The following LIPE variants were observed in gnomAD, a reference collection of about 807,000 sequenced individuals.
LIPE encodes hormone-sensitive lipase.
LIPE carries 66 observed loss-of-function variants against 88.5 expected under a neutral mutation model. The ratio of observed to expected loss-of-function variants is 0.75; its 90% CI spans 0.61 to 0.91. LIPE has a LOEUF of 0.91. Among genes scored for constraint, LIPE ranks in the 40% least tolerant of loss-of-function variants. The pLI is 0.00. For synonymous variants in LIPE, 570 were observed against 617.5 expected (o/e 0.92, Z 1.14); for missense variants, 1,346 against 1,434.7 (o/e 0.94, Z 1.00).
Position 42,407,575 on chromosome 19 carries a change from T to TCC in LIPE, c.1842+29_1842+30dup, listed in dbSNP as rs747727222. ...GGGCTGCCCACGCTCCTCGGCTCTG[T>TCC]CCCTGTCCCTGGCTGAGGCTGGAAC... On this transcript the variant is annotated intron_variant, in intron 5 of 9. Transcript: ENST00000244289. This position sits in a 1 kb window ranked among gnomAD's most constrained non-coding sequence, Gnocchi z 5.8. 1 of 1,590,172 alleles carries TCC rather than the reference T, an allele frequency of 6.3e-7. No individual in the cohort carries two copies. The highest frequency in any genetic ancestry group is 2.2e-5 in the East Asian group (1 of 44,620).
At chr19:42,424,790 C>G (rs553544961) in intron 1 of LIPE, 31 of 360,102 alleles carry the variant, frequency 8.6e-5, no homozygotes, top group African/African-American at 6.0e-4. Flanking sequence ...TTGTATTCCC[C>G]CCTTCTCCAT....
chr19:42,422,376 T>A (rs777615341), intron 1 of LIPE, among the ~76,000 whole-genome samples: 1 of 152,180 alleles, frequency 6.6e-6, no homozygotes, highest in Non-Finnish European at 1.5e-5. Flanking sequence ...TTAACTACAG[T>A]CTGTACTGCC....
At chr19:42,423,411 G>C in intron 1 of LIPE, 2 of 1,289,510 alleles carry the variant, frequency 1.6e-6, no homozygotes, top group Non-Finnish European at 2.0e-6. Context: ...CGGTCTCCGC[G>C]CGCTCACCTT....
intron 8 of LIPE, among the ~76,000 whole-genome samples, chr19:42,404,068 T>G (rs924115536): frequency 1.3e-5 from 2 of 149,944 alleles, no homozygotes; most frequent in Non-Finnish European, 3.0e-5. Context: ...TTTTTTACTT[T>G]TTTTTTTTTT....
At chr19:42,418,231 C>T (rs2040528834) in intron 1 of LIPE, among the ~76,000 whole-genome samples, 1 of 152,188 alleles carries the variant, frequency 6.6e-6, no homozygotes, top group African/African-American at 2.4e-5. Flanking sequence ...GATTTGCCCA[C>T]CTCGGCCTCC....
At position 42,426,263 on chromosome 19, in the gene LIPE, T is replaced by C. The variant is rs2040705547; in HGVS notation, c.883+4A>G. The C allele has an allele frequency of 6.3e-7, 1 of 1,590,748 alleles. No homozygotes were observed. Among genetic ancestry groups the C allele is most frequent in the East Asian group, 2.3e-5 (1 of 44,238 alleles). On this transcript the variant is annotated splice_donor_region_variant and intron_variant, in intron 1 of 9. Transcript: ENST00000244289. ...GGCTTCAATTCCTCCAGATTCACAC[T>C]CACCTGTATCCTGGTAGTGTCTGTG... is the stretch of plus-strand genomic sequence containing the variant.
chr19:42,424,461 CTG>C lies in LIPE; in HGVS notation c.883+1804_883+1805del, dbSNP rs3037073. ...GGTGTGGGGCGGGCATCCCTTGAGA[CTG>C]TGCTCTGGAGGCCTGGAGAAACAGC... On this transcript the variant is annotated intron_variant, in intron 1 of 9. Coordinates refer to ENST00000244289, the MANE Select transcript of LIPE (RefSeq NM_005357.4). 9.5e-3 allele frequency: 4,334 copies of C among 456,342 alleles called. 141 individuals carry two copies. The highest frequency in any genetic ancestry group is 0.077 in the African/African-American group (3,844 of 50,206). The allele number at this position is 456,342 out of a possible 1,614,324, so 28.3% of individuals were successfully genotyped here.
At position 42,405,967 on chromosome 19, in the gene LIPE, C is replaced by G. The variant is rs2040159260; in HGVS notation, c.2365+194G>C. 5 of 568,708 alleles carry G rather than the reference C, an allele frequency of 8.8e-6. No individual in the cohort carries two copies. In the Admixed American group the frequency reaches 1.3e-4, roughly 15 times the overall value. The allele number at this position is 568,708 out of a possible 1,614,324, so 35.2% of individuals were successfully genotyped here. ...TGACACCTTGTGTCTGTCTGTCTCT[C>G]TCTCTCTCTCACACACACACACACA... On this transcript the variant is annotated intron_variant, in intron 7 of 9. Transcript: ENST00000244289.
rs763991866 is a variant in LIPE at position 42,407,388 on chromosome 19, G to A, written c.1923C>T (p.Pro641=). ...AGTGCACTATCAGGGACCGCGAGCG[G>A]GGTGCCTGCTGGGGGCGCGGCCACA... The part of the protein sequence containing the change: ...LELWPRPQQA[P]RSRSLIVHFH... The change falls in exon 6 of 10, where the codon CCC becomes CCT. Residue 641 remains proline (P), a synonymous_variant. Transcript: ENST00000244289. The surrounding 1 kb of genome is among the most constrained non-coding windows in gnomAD (Gnocchi z 5.8). 2.5e-6 allele frequency: 4 copies of A among 1,613,712 alleles called. No homozygotes were observed. The Admixed American group carries it at 6.7e-5, about 27-fold the overall frequency.
At position 42,410,983 on chromosome 19, in the gene LIPE, CCAGGTTCCTCCTCCCT is replaced by C. The variant is rs969632862; in HGVS notation, c.884-157_884-142del. 6 of 834,834 alleles carry C rather than the reference CCAGGTTCCTCCTCCCT, an allele frequency of 7.2e-6. No individual in the cohort carries two copies. In the African/African-American group the frequency reaches 1.0e-4, roughly 14 times the overall value. 51.7% of individuals were successfully genotyped at this position (834,834 alleles called of 1,614,324 possible). A position where few individuals can be genotyped will look rare whatever the true frequency, so the allele number is the denominator to read the frequency against. On this transcript the variant is annotated intron_variant, in intron 1 of 9. Transcript: ENST00000244289. The surrounding 1 kb of genome is among the most constrained non-coding windows in gnomAD (Gnocchi z 6.1). Reference sequence around the variant, plus strand: ...CTTTCAGTTCCAGGGGCCCAGGACCCCAGGTTCCTCCTCCCTTAGACATAAGAGGTCACCCTCTTGT... The same window carrying C: ...CTTTCAGTTCCAGGGGCCCAGGACCCTAGACATAAGAGGTCACCCTCTTGT...
intron 1 of LIPE, among the ~76,000 whole-genome samples, chr19:42,419,791 A>G (rs1015888278): frequency 1.3e-5 from 2 of 152,114 alleles, no homozygotes; most frequent in African/African-American, 4.8e-5. Flanking sequence ...AATCAGATGC[A>G]GGTGGGGACA....
At chr19:42,411,837 G>A (rs773496002) in intron 1 of LIPE, among the ~76,000 whole-genome samples, 3 of 152,188 alleles carry the variant, frequency 2.0e-5, no homozygotes, top group Non-Finnish European at 4.4e-5. Context: ...TGCAGGTCCC[G>A]TGCTGAGAGC....
Position 42,410,182 on chromosome 19 carries a change from T to A in LIPE, c.1419+125A>T, listed in dbSNP as rs1194919965. Reference sequence around the variant, plus strand: ...TGAGCTCCAGCCAACTTCTCCTTTCTGTACCTGCTGTTTGCTGAGTCCGAT... The same window carrying A: ...TGAGCTCCAGCCAACTTCTCCTTTCAGTACCTGCTGTTTGCTGAGTCCGAT... On this transcript the variant is annotated intron_variant, in intron 2 of 9. Transcript: ENST00000244289. This position sits in a 1 kb window ranked among gnomAD's most constrained non-coding sequence, Gnocchi z 6.1. The A allele has an allele frequency of 1.0e-6, 1 of 995,656 alleles. No individual in the cohort carries two copies. Among genetic ancestry groups the A allele is most frequent in the African/African-American group, 1.6e-5 (1 of 61,214 alleles). The allele number at this position is 995,656 out of a possible 1,614,324, so 61.7% of individuals were successfully genotyped here.
At chr19:42,402,584 T>C (rs1383036660) in intron 9 of LIPE, 23 bp downstream of exon 9, 2 of 1,473,568 alleles carry the variant, frequency 1.4e-6, no homozygotes, top group East Asian at 2.4e-5. Context: ...AATGCACCTG[T>C]ACCGGCCCCC....
At chr19:42,409,400 C>CAAAAAAAAAAAAAAAAAAAA (rs760628566) in intron 2 of LIPE, among the ~76,000 whole-genome samples, 1 of 72,924 alleles carries the variant, frequency 1.4e-5, no homozygotes. Flanking sequence ...AAACAAAATA[C>CAAAAAAAAAAAAAAAAAAAA]AAAAAAAAAA....
chr19:42,405,976 TCACA>T lies in LIPE; in HGVS notation c.2365+181_2365+184del, dbSNP rs57282318. The T allele has an allele frequency of 0.092, 37,616 of 409,044 alleles. 938 individuals carry two copies. The highest frequency in any genetic ancestry group is 0.16 in the African/African-American group (6,979 of 43,812). 25.3% of individuals were successfully genotyped at this position (409,044 alleles called of 1,614,324 possible). ...GTGTCTGTCTGTCTCTCTCTCTCTC[TCACA>T]CACACACACACACACACACACACAC... On this transcript the variant is annotated intron_variant, in intron 7 of 9. Transcript: ENST00000244289.
chr19:42,409,426 A>C (rs1211388842), intron 2 of LIPE, among the ~76,000 whole-genome samples: 1 of 151,364 alleles, frequency 6.6e-6, no homozygotes, highest in East Asian at 1.9e-4. Flanking sequence ...AAAAAATACA[A>C]TGGGGACACA....
rs1452614956 is a variant in LIPE, at chr19:42,401,742, C to G, written c.*70G>C. On this transcript the variant is annotated 3_prime_UTR_variant, in exon 10 of 10. Transcript: ENST00000244289. ...ACCCCCGACTTAAGTAAGGCACAGC[C>G]CGCGTCCCCTTCCGCCCGGCCCGGA... 2 of 1,171,668 alleles carry G rather than the reference C, an allele frequency of 1.7e-6. No homozygotes were observed. Among genetic ancestry groups the G allele is most frequent in the Admixed American group, 7.6e-5 (2 of 26,342 alleles). 72.6% of individuals were successfully genotyped at this position (1,171,668 alleles called of 1,614,324 possible).
At chr19:42,405,707 C>A in intron 7 of LIPE, 146 bp from the exon 8 acceptor site, 1 of 746,752 alleles carries the variant, frequency 1.3e-6, no homozygotes, top group Non-Finnish European at 2.1e-6. Context: ...CAGTGGCTCA[C>A]GCCTGTAGTC....
Sources: gnomAD v4.1 joint callset for allele counts (sites outside exome capture counted in the v4.1 genomes callset) on GRCh38, gnomAD v4.1.1 for gene constraint, Gnocchi (gnomAD v3.1) non-coding constraint, MANE v1.5 for transcripts, NCBI Gene and HGNC (gene_info 2026-07-23, HGNC 2026-07-21) for gene names.